MRAP2: variants seen among roughly 807,000 people sequenced by gnomAD.
MRAP2 encodes the protein melanocortin 2 receptor accessory protein 2, also known as melanocortin-2 receptor accessory protein 2.
MRAP2 carries 20 observed loss-of-function variants against 17.4 expected under a neutral mutation model. The ratio of observed to expected loss-of-function variants is 1.15; its 90% CI spans 0.81 to 1.67. The LOEUF (loss-of-function observed/expected upper bound fraction) is 1.67. MRAP2 is among the 40% of genes most tolerant of loss of function. The pLI, the probability that MRAP2 is intolerant of heterozygous loss-of-function variation, is 0.00. For missense variants in MRAP2, 238 were observed against 240.0 expected (o/e 0.99, Z 0.05); for synonymous variants, 96 against 88.4 (o/e 1.09, Z -0.48).
chr6:84,066,004 A>AC (rs2099494592), intron 3 of MRAP2, among the ~76,000 whole-genome samples: 1 of 142,416 alleles, frequency 7.0e-6, no homozygotes, highest in African/African-American at 2.5e-5. Context: ...TCTCTTTATA[A>AC]ACACACACAC....
At chr6:84,100,151 T>A in the MRAP2 span, among the ~76,000 whole-genome samples, 2 of 152,208 alleles carry the variant, frequency 1.3e-5, no homozygotes, top group African/African-American at 4.8e-5. Context: ...TGAGCCACCA[T>A]ACCCAGCCAA....
At chr6:84,102,110 G>A in the MRAP2 span, among the ~76,000 whole-genome samples, 3 of 152,202 alleles carry the variant, frequency 2.0e-5, no homozygotes, top group African/African-American at 7.2e-5. Context: ...GTAGGAGTGA[G>A]ATGGTCAAAT....
the MRAP2 span, among the ~76,000 whole-genome samples, chr6:84,108,410 T>C: frequency 2.0e-5 from 3 of 152,302 alleles, no homozygotes; most frequent in African/African-American, 4.8e-5. Context: ...GGTTTTGATA[T>C]GCATTTCTCT....
chr6:84,112,723 C>T, the MRAP2 span, among the ~76,000 whole-genome samples: 1 of 152,028 alleles, frequency 6.6e-6, no homozygotes, highest in Non-Finnish European at 1.5e-5. Flanking sequence ...TTCCTGCTTT[C>T]TCTTGTGGGC....
chr6:84,134,434 G>A, the MRAP2 span, among the ~76,000 whole-genome samples: 1 of 152,162 alleles, frequency 6.6e-6, no homozygotes, highest in South Asian at 2.1e-4. Flanking sequence ...CTGCCCAAAC[G>A]GCCGCCCAGT....
At chr6:84,092,156 T>C (rs1370237847), downstream of MRAP2, among the ~76,000 whole-genome samples, 2 of 152,200 alleles carry the variant, frequency 1.3e-5, no homozygotes, top group Admixed American at 6.5e-5. Flanking sequence ...TTCTCTCTTA[T>C]AAGGACCTTT....
At chr6:84,142,081 C>T in the MRAP2 span, among the ~76,000 whole-genome samples, 12 of 151,946 alleles carry the variant, frequency 7.9e-5, no homozygotes, top group Non-Finnish European at 1.5e-4. Context: ...AAAAGGCAGC[C>T]CAGAGGGAGA....
At chr6:84,109,640 T>C in the MRAP2 span, among the ~76,000 whole-genome samples, 5 of 152,260 alleles carry the variant, frequency 3.3e-5, no homozygotes, top group Middle Eastern at 3.4e-3. Flanking sequence ...CTGGGGTACA[T>C]GTGCAGAACA....
the MRAP2 span, among the ~76,000 whole-genome samples, chr6:84,113,531 T>C: frequency 6.6e-6 from 1 of 152,216 alleles, no homozygotes; most frequent in African/African-American, 2.4e-5. Flanking sequence ...GTCTTGACTC[T>C]TTATCCAATT....
At chr6:84,043,950 G>A (rs2099488322) in intron 1 of MRAP2, among the ~76,000 whole-genome samples, 1 of 151,968 alleles carries the variant, frequency 6.6e-6, no homozygotes, top group Non-Finnish European at 1.5e-5. Context: ...GCATGTAGTG[G>A]GATAGATTAA....
intron 1 of MRAP2, among the ~76,000 whole-genome samples, chr6:84,045,985 G>A (rs910097627): frequency 1.3e-4 from 20 of 152,240 alleles, no homozygotes; most frequent in Admixed American, 6.5e-4. Flanking sequence ...GTTTGTAAAG[G>A]GGGTGAGTAT....
In MRAP2 at chr6:84,080,021, G is replaced by GTT. The variant is rs35507269; in HGVS notation, c.228-9061_228-9060dup. Among the ~76,000 whole-genome samples, 24 of 148,572 alleles carry GTT rather than the reference G, an allele frequency of 1.6e-4. No individual in the cohort carries two copies. The South Asian group carries it at 1.9e-3, about 12-fold the overall frequency. The stretch of plus-strand genomic sequence containing the variant: ...AACCTTCCCCAGCTCTATTGCCAGG[G>GTT]TTTTTTTTTTGTTTGTTTGATTTTT... On this transcript the variant is annotated intron_variant, in intron 3 of 3. Transcript: ENST00000257776.
chr6:84,131,130 G>A, the MRAP2 span, among the ~76,000 whole-genome samples: 4 of 152,128 alleles, frequency 2.6e-5, no homozygotes, highest in Non-Finnish European at 5.9e-5. Flanking sequence ...AGTCCTTCAG[G>A]AGCAGTGGTT....
Position 84,089,448 on chromosome 6 carries a change from A to G in MRAP2, c.585A>G (p.Pro195=). 6.2e-7 allele frequency: 1 copy of G among 1,613,842 alleles called. No individual in the cohort carries two copies. Among genetic ancestry groups the G allele is most frequent in the Admixed American group, 1.7e-5 (1 of 60,016 alleles). The stretch of plus-strand genomic sequence containing the variant: ...CACCTATTGTTCTGGAAACTAAGCC[A>G]CTTTCCCAGACCTCACACAAAGACC... ...SEPPIVLETK[P]LSQTSHKDLD The change falls in exon 4 of 4, where the codon CCA becomes CCG. Residue 195 remains proline, a synonymous_variant. Transcript: ENST00000257776.
intron 3 of MRAP2, among the ~76,000 whole-genome samples, chr6:84,064,039 T>C (rs116931213): frequency 0.19 from 28,059 of 150,154 alleles, 2,643 homozygotes; most frequent in Middle Eastern, 0.31. Context: ...AGCCAGACTC[T>C]GTCTAAAAAA....
At chr6:84,078,276 T>C (rs1420413742) in intron 3 of MRAP2, among the ~76,000 whole-genome samples, 2 of 152,148 alleles carry the variant, frequency 1.3e-5, no homozygotes, top group Non-Finnish European at 2.9e-5. Flanking sequence ...ATTATAAAAC[T>C]TCCACAAGTC....
intron 1 of MRAP2, among the ~76,000 whole-genome samples, chr6:84,051,913 C>G (rs764804329): frequency 1.3e-4 from 20 of 152,188 alleles, no homozygotes; most frequent in Non-Finnish European, 2.5e-4. Flanking sequence ...TTTGTGATCT[C>G]CCGTCTTCCC....
At chr6:84,117,651 C>CTGTGTGTG in the MRAP2 span, among the ~76,000 whole-genome samples, 225 of 105,128 alleles carry the variant, frequency 2.1e-3, 1 homozygote, top group Non-Finnish European at 2.6e-3. Flanking sequence ...GGGTGTGTGT[C>CTGTGTGTG]TGTGTGTGTG....
chr6:84,073,996 A>G (rs2099496931), intron 3 of MRAP2, among the ~76,000 whole-genome samples: 1 of 151,830 alleles, frequency 6.6e-6, no homozygotes, highest in South Asian at 2.1e-4. Context: ...AAAAGATTGG[A>G]CATCCCTGTT....
Sources: allele counts gnomAD v4.1 joint callset (sites outside exome capture counted in the v4.1 genomes callset), GRCh38; gene constraint gnomAD v4.1.1; transcripts MANE v1.5; gene names NCBI Gene and HGNC (gene_info 2026-07-23, HGNC 2026-07-21).